The following TMEM132D variants were observed in gnomAD, a reference collection of about 807,000 sequenced individuals.
The protein encoded by TMEM132D is mature OL transmembrane protein.
A neutral mutation model predicts 62.3 loss-of-function variants in TMEM132D; 21 were observed. The ratio of observed to expected loss-of-function variants is 0.34; its 90% CI spans 0.24 to 0.49. The LOEUF is 0.49. TMEM132D is among the 20% of genes least tolerant of loss of function. TMEM132D has a pLI of 0.99. For synonymous variants in TMEM132D, 621 were observed against 575.6 expected, an observed-to-expected ratio of 1.08 and a Z score of -1.13; for missense variants, 1,346 against 1,402.8, an observed-to-expected ratio of 0.96 and a Z score of 0.65.
chr12:129,264,565 G>T (rs112458050), intron 4 of TMEM132D, among the ~76,000 whole-genome samples: 4 of 152,274 alleles, frequency 2.6e-5, no homozygotes, highest in African/African-American at 9.6e-5. Flanking sequence ...ACCCACTACT[G>T]AGTATCTACC....
At chr12:129,716,797 A>T (rs1049022845) in intron 1 of TMEM132D, among the ~76,000 whole-genome samples, 4 of 152,184 alleles carry the variant, frequency 2.6e-5, no homozygotes, top group African/African-American at 9.7e-5. Flanking sequence ...CTATGAGATA[A>T]AAAATGTGGG....
chr12:129,341,024 C>T (rs1438451969), intron 3 of TMEM132D, among the ~76,000 whole-genome samples: 1 of 152,146 alleles, frequency 6.6e-6, no homozygotes, highest in Non-Finnish European at 1.5e-5. Context: ...ATGGTGATCT[C>T]GTTGGAATAT....
intron 4 of TMEM132D, among the ~76,000 whole-genome samples, chr12:129,298,206 G>A (rs114392755): frequency 0.04 from 6,078 of 152,200 alleles, 172 homozygotes; most frequent in Middle Eastern, 0.075. Context: ...AATGATCAAT[G>A]TCTATCATAA....
At chr12:129,768,633 A>G (rs2137280748) in intron 1 of TMEM132D, among the ~76,000 whole-genome samples, 1 of 152,236 alleles carries the variant, frequency 6.6e-6, no homozygotes, top group South Asian at 2.1e-4. Context: ...AAGACCTCCC[A>G]ATGACAGGAT....
At chr12:129,386,408 C>G (rs1048540838) in intron 3 of TMEM132D, among the ~76,000 whole-genome samples, 1 of 152,166 alleles carries the variant, frequency 6.6e-6, no homozygotes, top group African/African-American at 2.4e-5. Context: ...AATCATAATA[C>G]AAACACAAAT....
intron 2 of TMEM132D, among the ~76,000 whole-genome samples, chr12:129,563,651 T>C (rs1877296395): frequency 1.3e-5 from 2 of 152,258 alleles, no homozygotes; most frequent in South Asian, 4.1e-4. Context: ...AGTTGTCCTT[T>C]TAGGATAGAT....
At chr12:129,337,927 C>T in intron 3 of TMEM132D, 110 bp from the exon 4 acceptor site, 1 of 1,118,912 alleles carries the variant, frequency 8.9e-7, no homozygotes, top group Non-Finnish European at 1.3e-6. Context: ...CCACATGGAA[C>T]CAAGCGCACA....
chr12:129,074,565 G>A lies in TMEM132D; in HGVS notation c.2610C>T (p.Ser870=), dbSNP rs751535148. ...GCAAGTGGCTGTTGTCATCTAAAAG[G>A]CTTTCCTGGCCTTTCTTCTTCTGCA... ...SILQKKKGQE[S]LLDDNSHLQT... is the part of the protein sequence containing the mutation. The change falls in exon 9 of 9, where the codon AGC becomes AGT. Residue 870 remains serine (S), a synonymous_variant. Transcript: ENST00000422113. 6 of 1,613,948 alleles carry A rather than the reference G, an allele frequency of 3.7e-6. No homozygotes were observed. Among genetic ancestry groups the A allele is most frequent in the Admixed American group, 3.3e-5 (2 of 59,998 alleles).
chr12:129,289,671 T>C (rs1318143630), intron 4 of TMEM132D, among the ~76,000 whole-genome samples: 1 of 152,196 alleles, frequency 6.6e-6, no homozygotes, highest in East Asian at 1.9e-4. Flanking sequence ...ACAAAAAAAT[T>C]AACCAAACTC....
At chr12:129,796,784 C>T (rs1470157745) in intron 1 of TMEM132D, among the ~76,000 whole-genome samples, 3 of 152,068 alleles carry the variant, frequency 2.0e-5, no homozygotes, top group Non-Finnish European at 2.9e-5. Flanking sequence ...ATGTAGATGA[C>T]GAGTTGATGG....
intron 1 of TMEM132D, among the ~76,000 whole-genome samples, chr12:129,711,109 T>C (rs1205303993): frequency 6.6e-6 from 1 of 152,164 alleles, no homozygotes; most frequent in African/African-American, 2.4e-5. Context: ...CTCAGAGATC[T>C]CACAAGCATC....
chr12:129,514,606 G>C (rs546827574), intron 3 of TMEM132D, among the ~76,000 whole-genome samples: 3 of 152,294 alleles, frequency 2.0e-5, no homozygotes, highest in Admixed American at 1.3e-4. Flanking sequence ...ATGCAGGACT[G>C]TTCATTCATC....
chr12:129,658,167 TA>T (rs1880142534), intron 2 of TMEM132D, among the ~76,000 whole-genome samples: 1 of 152,132 alleles, frequency 6.6e-6, no homozygotes, highest in Non-Finnish European at 1.5e-5. Flanking sequence ...GCGAAGACAA[TA>T]GGGAATAAAC....
At chr12:129,127,628 G>C (rs1876254229) in intron 5 of TMEM132D, among the ~76,000 whole-genome samples, 1 of 152,098 alleles carries the variant, frequency 6.6e-6, no homozygotes, top group East Asian at 1.9e-4. Context: ...CCAGGTTTTT[G>C]GACAGGTTGA....
intron 2 of TMEM132D, among the ~76,000 whole-genome samples, chr12:129,638,504 CAT>C (rs1469832544): frequency 1.4e-4 from 6 of 43,234 alleles, no homozygotes; most frequent in African/African-American, 4.7e-4. Flanking sequence ...TATATATAAA[CAT>C]ATATAAATAT....
At chr12:129,283,481 C>T (rs971583915) in intron 4 of TMEM132D, among the ~76,000 whole-genome samples, 1 of 152,204 alleles carries the variant, frequency 6.6e-6, no homozygotes, top group Non-Finnish European at 1.5e-5. Context: ...CATGAGCCAC[C>T]ACACCCAGCC....
intron 4 of TMEM132D, among the ~76,000 whole-genome samples, chr12:129,307,062 A>ATTTTTT (rs3045974): frequency 6.7e-6 from 1 of 149,324 alleles, no homozygotes; most frequent in Non-Finnish European, 1.5e-5. Flanking sequence ...CAATAGACTG[A>ATTTTTT]TTTTTTTTTT....
chr12:129,835,756 T>C (rs1872985773), intron 1 of TMEM132D, among the ~76,000 whole-genome samples: 1 of 152,180 alleles, frequency 6.6e-6, no homozygotes, highest in Non-Finnish European at 1.5e-5. Flanking sequence ...TCCCATATTT[T>C]CCCCAATGCC....
rs191796636 is a variant in TMEM132D at position 129,284,319 on chromosome 12, G to A, written c.1299+53315C>T. 2.0e-5 allele frequency among the ~76,000 whole-genome samples: 3 copies of A among 152,350 alleles called. No homozygotes were observed. The East Asian group carries it at 5.8e-4, about 29-fold the overall frequency. On this transcript the variant is annotated intron_variant, in intron 4 of 8. Transcript: ENST00000422113. Reference sequence around the variant, plus strand: ...GCCTGAAGACCCATCTACATCATCTGAAACAGAAAACCACTCAGTTTGTCT... The same window carrying A: ...GCCTGAAGACCCATCTACATCATCTAAAACAGAAAACCACTCAGTTTGTCT...
Sources: allele counts gnomAD v4.1 joint callset (sites outside exome capture counted in the v4.1 genomes callset), GRCh38; gene constraint gnomAD v4.1.1; transcripts MANE v1.5; gene names NCBI Gene and HGNC (gene_info 2026-07-23, HGNC 2026-07-21).